NXN: variants seen among roughly 807,000 people sequenced by gnomAD.
The protein encoded by NXN is nucleoredoxin 1.
A neutral mutation model predicts 48.6 loss-of-function variants in NXN; 16 were observed. The observed-to-expected ratio is 0.33, with a 90% CI of 0.22 to 0.50. The LOEUF is 0.50. Among genes scored for constraint, NXN ranks in the 20% least tolerant of loss-of-function variants. The probability of loss-of-function intolerance (pLI) is 0.98; values close to 1 mark genes in which losing one functional copy is unlikely to be tolerated. For synonymous variants in NXN, 281 were observed against 269.6 expected, an observed-to-expected ratio of 1.04 and a Z score of -0.41; for missense variants, 492 against 605.5, an observed-to-expected ratio of 0.81 and a Z score of 1.97.
At chr17:971,240 G>T (rs1186707188) in intron 1 of NXN, among the ~76,000 whole-genome samples, 1 of 151,934 alleles carries the variant, frequency 6.6e-6, no homozygotes, top group South Asian at 2.1e-4. Context: ...GCCACCGCGC[G>T]TGGCCGAGTC....
At chr17:807,377 C>T (rs757830460) in intron 5 of NXN, among the ~76,000 whole-genome samples, 15 of 152,216 alleles carry the variant, frequency 9.9e-5, no homozygotes, top group Admixed American at 5.2e-4. Flanking sequence ...CGTGGGATGC[C>T]GAGTGGGTCT....
At chr17:867,962 G>A (rs2068110280) in intron 1 of NXN, among the ~76,000 whole-genome samples, 1 of 152,026 alleles carries the variant, frequency 6.6e-6, no homozygotes, top group East Asian at 1.9e-4. Context: ...ATGTAAGTGG[G>A]GGTCCTGTGT....
chr17:873,745 T>A (rs747588222), intron 1 of NXN, among the ~76,000 whole-genome samples: 2 of 151,996 alleles, frequency 1.3e-5, no homozygotes, highest in Non-Finnish European at 2.9e-5. Context: ...ATGAAAAAAA[T>A]ATATCCTCCT....
At position 874,441 on chromosome 17, in the gene NXN, G is replaced by A. The variant is rs144375328; in HGVS notation, c.361-48363C>T. Among the ~76,000 whole-genome samples the A allele has an allele frequency of 2.7e-3, 416 of 152,288 alleles. 1 individual carries two copies. The highest frequency in any genetic ancestry group is 4.2e-3 in the Non-Finnish European group (286 of 68,022). ...TCTGCTAAAAATAAAAAAATTAGCCGGGCGTGGTGGCAGGCACCTGTCATC... is the reference window on the plus strand; with the variant it reads ...TCTGCTAAAAATAAAAAAATTAGCCAGGCGTGGTGGCAGGCACCTGTCATC... On this transcript the variant is annotated intron_variant, in intron 1 of 7. Transcript: ENST00000336868.
chr17:962,424 T>C (rs764738900), intron 1 of NXN, among the ~76,000 whole-genome samples: 2 of 151,856 alleles, frequency 1.3e-5, no homozygotes, highest in Non-Finnish European at 2.9e-5. Flanking sequence ...TCCCAAGACT[T>C]TGGGAGGTGG....
chr17:966,665 G>T (rs964454213), intron 1 of NXN, among the ~76,000 whole-genome samples: 1 of 152,030 alleles, frequency 6.6e-6, no homozygotes, highest in African/African-American at 2.4e-5. Context: ...CATATTTTAT[G>T]TGTGGCCCAA....
chr17:810,797 G>A (rs1340559195), intron 5 of NXN, among the ~76,000 whole-genome samples: 1 of 152,262 alleles, frequency 6.6e-6, no homozygotes, highest in East Asian at 1.9e-4. Context: ...GCTGAAGCAG[G>A]AGAATCGCTT....
chr17:812,429 A>G (rs977309849), intron 5 of NXN, among the ~76,000 whole-genome samples: 2 of 152,128 alleles, frequency 1.3e-5, no homozygotes, highest in African/African-American at 4.8e-5. Flanking sequence ...TCAGCGGGAG[A>G]GAAACAAGTG....
intron 1 of NXN, among the ~76,000 whole-genome samples, chr17:848,913 G>A (rs1435238416): frequency 2.0e-5 from 3 of 152,284 alleles, no homozygotes; most frequent in Admixed American, 6.5e-5. Context: ...TCAGCAGGAC[G>A]TCGGCTCCAT....
chr17:862,515 C>T (rs1205767536), intron 1 of NXN, among the ~76,000 whole-genome samples: 1 of 152,174 alleles, frequency 6.6e-6, no homozygotes, highest in African/African-American at 2.4e-5. Flanking sequence ...TGGGGCAAGA[C>T]CCTGTCTCTT....
intron 1 of NXN, among the ~76,000 whole-genome samples, chr17:850,873 C>T (rs1468890053): frequency 1.3e-5 from 2 of 152,230 alleles, no homozygotes; most frequent in South Asian, 2.1e-4. Context: ...CAGATGCCGC[C>T]AGTGCCACAG....
Position 958,539 on chromosome 17 carries a change from G to A in NXN, c.360+20780C>T, listed in dbSNP as rs186012374. ...TATCATCCCAGCACTTTGGGAGGCC[G>A]AAGCGGGTGGATCACGAGGTCAGGA... On this transcript the variant is annotated intron_variant, in intron 1 of 7. Transcript: ENST00000336868. This position sits in a 1 kb window ranked among gnomAD's most constrained non-coding sequence, Gnocchi z 6.9. 3.6e-4 allele frequency among the ~76,000 whole-genome samples: 55 copies of A among 152,226 alleles called. 1 individual carries two copies. The East Asian group carries it at 5.0e-3, about 14-fold the overall frequency.
At chr17:847,235 T>TC (rs764897303) in intron 1 of NXN, among the ~76,000 whole-genome samples, 13 of 151,288 alleles carry the variant, frequency 8.6e-5, no homozygotes, top group Admixed American at 2.0e-4. Context: ...TTTTTTTTTT[T>TC]CCCTTCTCGG....
At chr17:838,423 C>A (rs1237840523) in intron 1 of NXN, among the ~76,000 whole-genome samples, 1 of 152,116 alleles carries the variant, frequency 6.6e-6, no homozygotes, top group African/African-American at 2.4e-5. Flanking sequence ...TGAGCCACCG[C>A]GCCCGGCCAT....
chr17:813,003 C>T (rs1042861998), intron 5 of NXN, among the ~76,000 whole-genome samples: 1 of 151,658 alleles, frequency 6.6e-6, no homozygotes, highest in African/African-American at 2.4e-5. Context: ...TAGGTGTTTG[C>T]ATGTGTGTAG....
intron 1 of NXN, among the ~76,000 whole-genome samples, chr17:901,072 C>G (rs1374085158): frequency 6.6e-6 from 1 of 152,018 alleles, no homozygotes; most frequent in African/African-American, 2.4e-5. Flanking sequence ...AGGCATCCAC[C>G]ACCACGCCTG....
At chr17:842,454 C>G in intron 1 of NXN, 2 of 935,520 alleles carry the variant, frequency 2.1e-6, no homozygotes, top group Non-Finnish European at 2.5e-6. Flanking sequence ...GTGATCCCGG[C>G]GGGGAAGGCC....
intron 1 of NXN, among the ~76,000 whole-genome samples, chr17:911,624 C>T (rs1034962428): frequency 6.6e-6 from 1 of 151,884 alleles, no homozygotes; most frequent in Non-Finnish European, 1.5e-5. Context: ...CCACCACACC[C>T]GGCTAATTTT....
In NXN at chr17:860,321, G is replaced by A. The variant is rs994330657; in HGVS notation, c.361-34243C>T. 7.7e-5 allele frequency among the ~76,000 whole-genome samples: 11 copies of A among 142,448 alleles called. No homozygotes were observed. In the East Asian group the frequency reaches 2.2e-3, roughly 28 times the overall value. The allele number at this position is 142,448 out of a possible 152,430, so 93.5% of individuals were successfully genotyped here. ...GTATTTTCCATAGAGACAGGGTTTCGCCATCCTGGCCAGGCTGGTCTTGAA... is the reference window on the plus strand; with the variant it reads ...GTATTTTCCATAGAGACAGGGTTTCACCATCCTGGCCAGGCTGGTCTTGAA... On this transcript the variant is annotated intron_variant, in intron 1 of 7. Coordinates refer to ENST00000336868, the MANE Select transcript of NXN (RefSeq NM_022463.5).
Sources: gnomAD v4.1 joint callset for allele counts (sites outside exome capture counted in the v4.1 genomes callset) on GRCh38, gnomAD v4.1.1 for gene constraint, Gnocchi (gnomAD v3.1) non-coding constraint, MANE v1.5 for transcripts, NCBI Gene and HGNC (gene_info 2026-07-23, HGNC 2026-07-21) for gene names.